The following MCMDC2 variants were observed in gnomAD, a reference collection of about 807,000 sequenced individuals.
The protein encoded by MCMDC2 is minichromosome maintenance domain-containing protein 2.
In MCMDC2, 54 loss-of-function variants were observed where a neutral mutation model predicts 75.8. The observed-to-expected ratio is 0.71, with a 90% CI of 0.57 to 0.89. MCMDC2 has a LOEUF of 0.89. Ranked by LOEUF, MCMDC2 falls within the 40% of genes least tolerant of loss-of-function variation. The probability of loss-of-function intolerance (pLI) is 0.00; values close to 1 mark genes in which losing one functional copy is unlikely to be tolerated. For missense variants in MCMDC2, 656 were observed against 780.4 expected, an observed-to-expected ratio of 0.84 and a Z score of 1.90; for synonymous variants, 249 against 274.6, an observed-to-expected ratio of 0.91 and a Z score of 0.92.
intron 8 of MCMDC2, among the ~76,000 whole-genome samples, chr8:66,881,676 C>T (rs1041333163): frequency 7.9e-5 from 12 of 151,196 alleles, no homozygotes; most frequent in African/African-American, 2.9e-4. Context: ...ATAGAGACTC[C>T]GTCTCAAAAA....
chr8:66,889,036 A>G (rs915761803), intron 9 of MCMDC2, among the ~76,000 whole-genome samples: 4 of 152,170 alleles, frequency 2.6e-5, no homozygotes, highest in African/African-American at 9.7e-5. Context: ...CTCATTTTAT[A>G]TATCTTCAAA....
chr8:66,900,538 A>C (rs929375814), intron 12 of MCMDC2, among the ~76,000 whole-genome samples: 3 of 152,164 alleles, frequency 2.0e-5, no homozygotes, highest in Non-Finnish European at 4.4e-5. Flanking sequence ...TATTATAGTT[A>C]ATTTTTCCTG....
chr8:66,885,332 C>CAAA (rs34478390), intron 9 of MCMDC2, among the ~76,000 whole-genome samples: 2 of 83,608 alleles, frequency 2.4e-5, no homozygotes, highest in Non-Finnish European at 5.0e-5. Flanking sequence ...GACTCTGTCT[C>CAAA]AAAAAAAAAA....
chr8:66,889,006 C>T (rs1383281090), intron 9 of MCMDC2, among the ~76,000 whole-genome samples: 2 of 152,198 alleles, frequency 1.3e-5, no homozygotes, highest in African/African-American at 4.8e-5. Context: ...AGGTTTCTTT[C>T]TAAATATCGC....
intron 8 of MCMDC2, among the ~76,000 whole-genome samples, chr8:66,883,519 C>T (rs1190104741): frequency 3.9e-5 from 6 of 151,950 alleles, no homozygotes; most frequent in Non-Finnish European, 7.4e-5. Flanking sequence ...AAAGGCCAAG[C>T]ACGGTGGCTC....
chr8:66,891,208 T>G (rs1812092372), intron 10 of MCMDC2, 138 bp downstream of exon 10: 1 of 790,558 alleles, frequency 1.3e-6, no homozygotes. Context: ...CTTATTTTGG[T>G]TTTATAAGCT....
At chr8:66,909,036 C>T (rs185673365) in intron 14 of MCMDC2, among the ~76,000 whole-genome samples, 1 of 152,314 alleles carries the variant, frequency 6.6e-6, no homozygotes, top group Non-Finnish European at 1.5e-5. Flanking sequence ...GTGGAGGTAA[C>T]TGAATCATGG....
At chr8:66,881,057 G>T in intron 8 of MCMDC2, 83 bp downstream of exon 8, 4 of 1,110,532 alleles carry the variant, frequency 3.6e-6, no homozygotes, top group Non-Finnish European at 4.7e-6. Flanking sequence ...GTTTGCCTAT[G>T]TGCTAGGCAT....
downstream of MCMDC2, among the ~76,000 whole-genome samples, chr8:66,924,016 AAT>A (rs1238725869): frequency 6.6e-6 from 1 of 152,138 alleles, no homozygotes; most frequent in Non-Finnish European, 1.5e-5. Context: ...AAATGTAAAC[AAT>A]AGATACCCTA....
At position 66,891,570 on chromosome 8, in the gene MCMDC2, T is replaced by A. The variant is rs1288107489; in HGVS notation, c.1279+500T>A. Among the ~76,000 whole-genome samples, 2 of 152,244 alleles carry A rather than the reference T, an allele frequency of 1.3e-5. 1 individual carries two copies. Among genetic ancestry groups the A allele is most frequent in the Non-Finnish European group, 2.9e-5 (2 of 68,044 alleles). On this transcript the variant is annotated intron_variant, in intron 10 of 14. Coordinates refer to ENST00000422365, the MANE Select transcript of MCMDC2 (RefSeq NM_173518.5). ...CAAATGCTTTGTCTGCCTCTGTTAATATGATCATGTCACAGGATCCTTCGG... is the reference window on the plus strand; with the variant it reads ...CAAATGCTTTGTCTGCCTCTGTTAAAATGATCATGTCACAGGATCCTTCGG...
chr8:66,871,051 G>C (rs767987826), intron 1 of MCMDC2, among the ~76,000 whole-genome samples: 1 of 152,226 alleles, frequency 6.6e-6, no homozygotes, highest in Non-Finnish European at 1.5e-5. Flanking sequence ...GCGTTCGTTA[G>C]ACTAAGGGAA....
At chr8:66,901,592 T>C in intron 13 of MCMDC2, 1 of 1,166,346 alleles carries the variant, frequency 8.6e-7, no homozygotes, top group Non-Finnish European at 1.1e-6. Flanking sequence ...ATGAGATATG[T>C]CTGGGAAAAG....
chr8:66,884,195 C>A, intron 9 of MCMDC2: 1 of 575,204 alleles, frequency 1.7e-6, no homozygotes, highest in South Asian at 2.4e-5. Flanking sequence ...AATTTTCAAC[C>A]TATTTCCCCA....
At chr8:66,889,734 G>A (rs757455159) in intron 9 of MCMDC2, among the ~76,000 whole-genome samples, 12 of 152,174 alleles carry the variant, frequency 7.9e-5, no homozygotes, top group Non-Finnish European at 1.8e-4. Flanking sequence ...GGGAGGTGGA[G>A]GTTGGAAGCT....
At chr8:66,912,821 A>G (rs1386907449) in intron 14 of MCMDC2, among the ~76,000 whole-genome samples, 6 of 152,154 alleles carry the variant, frequency 3.9e-5, no homozygotes, top group Non-Finnish European at 1.5e-5. Flanking sequence ...ATTAAGAGAA[A>G]TACCTAATGT....
At chr8:66,923,619 G>A (rs1039525252), downstream of MCMDC2, among the ~76,000 whole-genome samples, 11 of 151,986 alleles carry the variant, frequency 7.2e-5, no homozygotes, top group African/African-American at 1.9e-4. Flanking sequence ...AAAATGGGCC[G>A]GACACGGTGT....
Position 66,883,779 on chromosome 8 carries a change from C to CT in MCMDC2, c.860dup (p.Arg288GlnfsTer48). On this transcript the variant is annotated frameshift_variant, in exon 9 of 15. Transcript: ENST00000422365. LOFTEE classifies it high-confidence loss of function. ...CAGTTCCTTCAGGAATTAGTGACAA[C>CT]TTCAGGTGTCTCCTCTCCTTAACTT... 1 of 1,610,056 alleles carries CT rather than the reference C, an allele frequency of 6.2e-7. No homozygotes were observed.
At chr8:66,898,537 T>G (rs1484361208) in intron 12 of MCMDC2, among the ~76,000 whole-genome samples, 3 of 148,414 alleles carry the variant, frequency 2.0e-5, no homozygotes, top group Non-Finnish European at 4.4e-5. Flanking sequence ...GGCAGGAGAA[T>G]CGCTTGAACC....
Position 66,877,050 on chromosome 8 carries a change from T to C in MCMDC2, c.286-299T>C, listed in dbSNP as rs938862208. On this transcript the variant is annotated intron_variant, in intron 4 of 14. Transcript: ENST00000422365. ...GCTGGGATTACAGGGTGAGCCACCG[T>C]GCCCGGCCCTGGTTGACATTGTTTT... is the stretch of plus-strand genomic sequence containing the variant. 5.9e-5 allele frequency among the ~76,000 whole-genome samples: 9 copies of C among 152,148 alleles called. No homozygotes were observed. In the East Asian group the frequency reaches 7.7e-4, roughly 13 times the overall value.
Sources: allele counts gnomAD v4.1 joint callset (sites outside exome capture counted in the v4.1 genomes callset), GRCh38; gene constraint gnomAD v4.1.1; transcripts MANE v1.5; gene names NCBI Gene and HGNC (gene_info 2026-07-23, HGNC 2026-07-21).